The following AHCTF1 variants were observed in gnomAD, a reference collection of about 807,000 sequenced individuals.
AHCTF1 encodes AT-hook containing transcription factor 1.
AHCTF1 carries 24 observed loss-of-function variants against 248.4 expected under a neutral mutation model. The ratio of observed to expected loss-of-function variants is 0.10; its 90% CI spans 0.07 to 0.14. AHCTF1 has a LOEUF of 0.14. Ranked by LOEUF, AHCTF1 falls within the 10% of genes least tolerant of loss-of-function variation. The pLI, the probability that AHCTF1 is intolerant of heterozygous loss-of-function variation, is 1.00. For missense variants in AHCTF1, 2,206 were observed against 2,636.2 expected (o/e 0.84, Z 3.57); for synonymous variants, 786 against 929.8 (o/e 0.85, Z 2.81).
intron 1 of AHCTF1, among the ~76,000 whole-genome samples, chr1:246,930,717 A>G: frequency 6.6e-6 from 1 of 152,110 alleles, no homozygotes; most frequent in Admixed American, 6.5e-5. Flanking sequence ...CCAGCCAAAG[A>G]CAGTTCTTAA....
At chr1:246,868,957 G>A (rs1238268504) in intron 24 of AHCTF1, among the ~76,000 whole-genome samples, 3 of 150,004 alleles carry the variant, frequency 2.0e-5, no homozygotes, top group South Asian at 2.1e-4. Context: ...CCATTCTCCT[G>A]CCTCAGCCTG....
rs900845676 is a variant in AHCTF1 at position 246,864,207 on chromosome 1, C to T, written c.3348-91G>A. ...ATCAGACCTCTATATTCACTGGTAA[C>T]TATGATAGCCACATGCAAATACAGT... On this transcript the variant is annotated intron_variant, in intron 26 of 35. Coordinates refer to ENST00000648844, the MANE Select transcript of AHCTF1 (RefSeq NM_001323342.2). 2.4e-6 allele frequency: 3 copies of T among 1,236,574 alleles called. No individual in the cohort carries two copies. The Admixed American group carries it at 7.8e-5, about 32-fold the overall frequency. 76.6% of individuals were successfully genotyped at this position (1,236,574 alleles called of 1,614,324 possible).
rs1296050688 is a variant in AHCTF1 at position 246,885,696 on chromosome 1, A to C, written c.2473-16T>G. Reference sequence around the variant, plus strand: ...CCAAACCACTCTGGAAATAACATGAAAAATGTTAAATATAAATATAATCCT... The same window carrying C: ...CCAAACCACTCTGGAAATAACATGACAAATGTTAAATATAAATATAATCCT... On this transcript the variant is annotated splice_polypyrimidine_tract_variant and intron_variant, in intron 20 of 35. Transcript: ENST00000648844. 4 of 1,591,936 alleles carry C rather than the reference A, an allele frequency of 2.5e-6. No individual in the cohort carries two copies. Among genetic ancestry groups the C allele is most frequent in the African/African-American group, 1.4e-5 (1 of 73,424 alleles).
At chr1:246,909,968 T>C (rs574378586) in intron 4 of AHCTF1, among the ~76,000 whole-genome samples, 34 of 152,320 alleles carry the variant, frequency 2.2e-4, no homozygotes, top group African/African-American at 8.2e-4. Flanking sequence ...TAGTTTAAAG[T>C]TGATGACAGA....
intron 12 of AHCTF1, among the ~76,000 whole-genome samples, chr1:246,897,862 T>G (rs1388347156): frequency 1.5e-5 from 2 of 137,754 alleles, no homozygotes; most frequent in Non-Finnish European, 3.2e-5. Context: ...TCTGTAGTCC[T>G]AGCTACTTGC....
chr1:246,862,201 C>A, intron 27 of AHCTF1, 48 bp from the exon 28 acceptor site: 1 of 1,485,554 alleles, frequency 6.7e-7, no homozygotes, highest in South Asian at 1.3e-5. Flanking sequence ...TGCTTATAGG[C>A]CGGGCGCGGT....
Position 246,843,873 on chromosome 1 carries a change from A to C in AHCTF1, c.6447T>G (p.Ser2149=). ...QLKELVSDLS[S]QFVISPPALR... ...AAGCAGGAGGTGAGATGACAAACTGAGAAGATAAATCCGAAACTAATTCTT... is the reference window on the plus strand; with the variant it reads ...AAGCAGGAGGTGAGATGACAAACTGCGAAGATAAATCCGAAACTAATTCTT... Residue 2149 remains serine (S), a synonymous_variant, in exon 34 of 36, where the codon TCT becomes TCG. Transcript: ENST00000648844. The C allele has an allele frequency of 6.6e-7, 1 of 1,509,892 alleles. No homozygotes were observed. The allele number at this position is 1,509,892 out of a possible 1,614,324, so 93.5% of individuals were successfully genotyped here.
intron 1 of AHCTF1, among the ~76,000 whole-genome samples, chr1:246,922,814 C>T (rs1436415131): frequency 6.6e-6 from 1 of 150,576 alleles, no homozygotes. Flanking sequence ...AACCCTGTCT[C>T]TACTAAAAAT....
chr1:246,857,012 C>A (rs1219391503), intron 30 of AHCTF1, among the ~76,000 whole-genome samples: 1 of 152,202 alleles, frequency 6.6e-6, no homozygotes, highest in African/African-American at 2.4e-5. Context: ...TGCGGACATG[C>A]AATCTGTGTC....
intron 34 of AHCTF1, among the ~76,000 whole-genome samples, chr1:246,843,578 T>A (rs1476656476): frequency 6.6e-6 from 1 of 152,200 alleles, no homozygotes; most frequent in Non-Finnish European, 1.5e-5. Flanking sequence ...ATCAGTAGCA[T>A]ACCACAGATG....
chr1:246,896,047 G>T, intron 12 of AHCTF1, 122 bp from the exon 13 acceptor site: 1 of 663,202 alleles, frequency 1.5e-6, no homozygotes, highest in South Asian at 2.1e-5. Flanking sequence ...CCATAAGAAG[G>T]GCTATAATCA....
chr1:246,927,164 C>T (rs558309245), intron 1 of AHCTF1, among the ~76,000 whole-genome samples: 8 of 150,254 alleles, frequency 5.3e-5, no homozygotes, highest in South Asian at 2.1e-4. Context: ...GGCGACAGAG[C>T]GAGACTCTGT....
At chr1:246,846,304 G>T (rs192282630) in intron 33 of AHCTF1, among the ~76,000 whole-genome samples, 73 of 151,814 alleles carry the variant, frequency 4.8e-4, no homozygotes, top group Middle Eastern at 3.4e-3. Context: ...ATGTAAAAAC[G>T]AAGTTTAGAA....
intron 14 of AHCTF1, among the ~76,000 whole-genome samples, chr1:246,894,131 A>G (rs770627319): frequency 1.3e-5 from 2 of 152,166 alleles, no homozygotes; most frequent in Non-Finnish European, 2.9e-5. Flanking sequence ...TTGGGCTCAA[A>G]AAGTCAAGGC....
At chr1:246,895,956 T>G (rs764582411) in intron 12 of AHCTF1, 31 bp from the exon 13 acceptor site, 9 of 1,576,816 alleles carry the variant, frequency 5.7e-6, no homozygotes, top group Non-Finnish European at 7.8e-6. Context: ...AGGAAAGAAA[T>G]GGAAAGAAAG....
intron 20 of AHCTF1, 107 bp downstream of exon 20, chr1:246,887,104 A>G: frequency 1.5e-6 from 2 of 1,296,282 alleles, no homozygotes; most frequent in Non-Finnish European, 2.1e-6. Context: ...TTCCTCAACT[A>G]TTTTTAGTAG....
chr1:246,886,150 G>C (rs1311016929), intron 20 of AHCTF1, among the ~76,000 whole-genome samples: 1 of 152,140 alleles, frequency 6.6e-6, no homozygotes, highest in African/African-American at 2.4e-5. Flanking sequence ...GGTCAACATG[G>C]TGAAACCTCG....
intron 17 of AHCTF1, among the ~76,000 whole-genome samples, 163 bp downstream of exon 17, chr1:246,889,803 C>T (rs1034358229): frequency 6.6e-6 from 1 of 152,114 alleles, no homozygotes; most frequent in African/African-American, 2.4e-5. Flanking sequence ...GTAGGTTATT[C>T]GTGTACTTTT....
At position 246,867,343 on chromosome 1, in the gene AHCTF1, A is replaced by G. The variant is rs762577727; in HGVS notation, c.3248T>C (p.Ile1083Thr). 1.2e-5 allele frequency: 19 copies of G among 1,577,042 alleles called. No homozygotes were observed. The highest frequency in any genetic ancestry group is 3.4e-4 in the Middle Eastern group (2 of 5,966). The change falls in exon 26 of 36, where the codon ATA (isoleucine) becomes ACA (threonine). Residue 1083 changes from isoleucine to threonine, a missense_variant. Physicochemically the swap from Ile to Thr is moderately conservative, Grantham distance 89 (BLOSUM62 -1). This residue lies in a region of AHCTF1 where 955 missense variants were observed against 1,055.6 expected (regional missense o/e 0.90). Transcript: ENST00000648844. ...ATACACTATAGGAGATGGTTCTTCT[A>G]TTTTAGAACTATGAAAATAAAAATT... ...NSTTPFNSSK[I>T]EEPSPIVYSL...
Sources: gnomAD v4.1 joint callset for allele counts (sites outside exome capture counted in the v4.1 genomes callset) on GRCh38, gnomAD v4.1.1 for gene constraint, gnomAD v4.1.1 regional missense constraint, MANE v1.5 for transcripts, NCBI Gene and HGNC (gene_info 2026-07-23, HGNC 2026-07-21) for gene names.